The following CASS4 variants were observed in gnomAD, a reference collection of about 807,000 sequenced individuals.
CASS4 encodes the protein cas scaffolding protein family member 4.
A neutral mutation model predicts 54.2 loss-of-function variants in CASS4; 22 were observed. That is an observed-to-expected ratio of 0.41 (90% CI 0.29 to 0.58). CASS4 has a LOEUF of 0.58. Among genes scored for constraint, CASS4 ranks in the 20% least tolerant of loss-of-function variants. CASS4 has a pLI of 0.36. For synonymous variants in CASS4, 409 were observed against 391.5 expected (o/e 1.04, Z -0.53); for missense variants, 854 against 986.7 (o/e 0.87, Z 1.80).
At chr20:56,454,073 C>T (rs1417569498) in intron 5 of CASS4, among the ~76,000 whole-genome samples, 1 of 151,970 alleles carries the variant, frequency 6.6e-6, no homozygotes, top group Admixed American at 6.6e-5. Flanking sequence ...TCCAGCTACT[C>T]AGGAGGCTGA....
intron 4 of CASS4, among the ~76,000 whole-genome samples, chr20:56,451,371 A>G (rs1232318846): frequency 1.3e-5 from 2 of 152,346 alleles, no homozygotes; most frequent in East Asian, 3.9e-4. Flanking sequence ...ATCTATGTTT[A>G]TAATTGGATT....
At chr20:56,431,017 G>T (rs1001434513) in intron 1 of CASS4, among the ~76,000 whole-genome samples, 2 of 152,120 alleles carry the variant, frequency 1.3e-5, no homozygotes, top group African/African-American at 4.8e-5. Flanking sequence ...AGACCAACAG[G>T]ATCCAATTTT....
intron 1 of CASS4, among the ~76,000 whole-genome samples, chr20:56,422,347 A>G (rs545158529): frequency 2.6e-5 from 4 of 152,346 alleles, no homozygotes; most frequent in East Asian, 1.9e-4. Flanking sequence ...TTATTGTTGC[A>G]TCATTTCAAT....
intron 1 of CASS4, among the ~76,000 whole-genome samples, chr20:56,419,005 G>A (rs1020264642): frequency 3.3e-5 from 5 of 152,048 alleles, no homozygotes; most frequent in Non-Finnish European, 5.9e-5. Flanking sequence ...CACACTTGGG[G>A]GGAAAAAAAG....
chr20:56,447,890 C>A (rs896123659), intron 3 of CASS4, among the ~76,000 whole-genome samples: 1 of 152,196 alleles, frequency 6.6e-6, no homozygotes, highest in East Asian at 1.9e-4. Context: ...CGCCTGTAAT[C>A]CCAGCACTTT....
chr20:56,458,887 C>A lies in CASS4; in HGVS notation c.*140C>A, dbSNP rs577934006. On this transcript the variant is annotated 3_prime_UTR_variant, in exon 6 of 6. Transcript: ENST00000679887. ...ACCTGGTGCCCAAAGCTGGTAGTAC[C>A]AAGTGGCTAAGCAACCCCAGGGCAT... is the stretch of plus-strand genomic sequence containing the variant. 4 of 880,188 alleles carry A rather than the reference C, an allele frequency of 4.5e-6. No homozygotes were observed. The highest frequency in any genetic ancestry group is 1.7e-5 in the African/African-American group (1 of 59,084). The allele number at this position is 880,188 out of a possible 1,614,324, so 54.5% of individuals were successfully genotyped here.
rs1402519648 is a variant in CASS4, at chr20:56,434,417, G to A, written c.37-2747G>A. 2.0e-5 allele frequency among the ~76,000 whole-genome samples: 3 copies of A among 152,062 alleles called. No homozygotes were observed. The South Asian group carries it at 6.2e-4, about 32-fold the overall frequency. On this transcript the variant is annotated intron_variant, in intron 1 of 5. Coordinates refer to ENST00000679887, the MANE Select transcript of CASS4 (RefSeq NM_020356.4). ...ATATTGAAAAATGTTTATTGACACG[G>A]AAAGATGCTCACAATTTACTTATTT...
At position 56,437,245 on chromosome 20, in the gene CASS4, A is replaced by G. The variant is rs1304716845; in HGVS notation, c.118A>G (p.Ile40Val). 2 of 1,613,214 alleles carry G rather than the reference A, an allele frequency of 1.2e-6. No individual in the cohort carries two copies. The highest frequency in any genetic ancestry group is 1.1e-5 in the South Asian group (1 of 90,928). ...LAFSRGDILT[I>V]LEQHVPESEG... ...TTTCAGCAGAGGGGACATCCTGACCATTCTGGAGCAACACGTGCCAGAAAG... is the reference window on the plus strand; with the variant it reads ...TTTCAGCAGAGGGGACATCCTGACCGTTCTGGAGCAACACGTGCCAGAAAG... Residue 40 changes from isoleucine to valine, a missense_variant, in exon 2 of 6, where the codon ATT (isoleucine) becomes GTT (valine). Transcript: ENST00000679887. The surrounding 1 kb of genome is among the most constrained non-coding windows in gnomAD (Gnocchi z 4.7).
intron 1 of CASS4, among the ~76,000 whole-genome samples, chr20:56,418,693 C>T (rs184323585): frequency 6.6e-6 from 1 of 152,266 alleles, no homozygotes; most frequent in Non-Finnish European, 1.5e-5. Context: ...GACCGCTGGT[C>T]GCCGTGTCGG....
In CASS4 at chr20:56,412,302, G is replaced by A; in HGVS notation, c.-157G>A. ...GCTTTCCAGAAAGTTTGCCTGCTGG[G>A]AGAGTCTTTTTGATCGTTTCCCATG... On this transcript the variant is annotated 5_prime_UTR_variant, in exon 1 of 6. Transcript: ENST00000679887. This position sits in a 1 kb window ranked among gnomAD's most constrained non-coding sequence, Gnocchi z 4.2. The A allele has an allele frequency of 1.3e-6, 1 of 786,880 alleles. No homozygotes were observed. The highest frequency in any genetic ancestry group is 1.8e-5 in the African/African-American group (1 of 57,108). 48.7% of individuals were successfully genotyped at this position (786,880 alleles called of 1,614,324 possible). A position where few individuals can be genotyped will look rare whatever the true frequency, so the allele number is the denominator to read the frequency against.
Position 56,451,842 on chromosome 20 carries a change from A to G in CASS4, c.666A>G (p.Ser222=). 1 of 1,612,694 alleles carries G rather than the reference A, an allele frequency of 6.2e-7. No homozygotes were observed. Among genetic ancestry groups the G allele is most frequent in the South Asian group, 1.1e-5 (1 of 91,026 alleles). The change falls in exon 5 of 6, where the codon TCA becomes TCG. Residue 222 remains serine, a synonymous_variant. Transcript: ENST00000679887. ...QASGQGVPLI[S]VTTLRRGGYS... ...AGGGGCAGGGTGTTCCCCTGATATC[A>G]GTGACTACCTTAAGAAGAGGCGGTT... is the stretch of plus-strand genomic sequence containing the variant.
intron 5 of CASS4, among the ~76,000 whole-genome samples, chr20:56,456,663 C>CTGCACTCAACCTGCTTCATTCTTATA: frequency 6.6e-6 from 1 of 151,890 alleles, no homozygotes. Flanking sequence ...GTGTGAGTCA[C>CTGCACTCAACCTGCTTCATTCTTATA]CGTGCCCAGC....
In CASS4 at chr20:56,414,754, G is replaced by A. The variant is rs373969722; in HGVS notation, c.36+2260G>A. Among the ~76,000 whole-genome samples the A allele has an allele frequency of 3.3e-5, 5 of 152,084 alleles. No individual in the cohort carries two copies. Among genetic ancestry groups the A allele is most frequent in the African/African-American group, 1.2e-4 (5 of 41,486 alleles). ...TCACCTGAGGTCAGGGGATTAGCCT[G>A]GCCAAAATGGTGAAACCCCATCTCT... On this transcript the variant is annotated intron_variant, in intron 1 of 5. Transcript: ENST00000679887. This position sits in a 1 kb window ranked among gnomAD's most constrained non-coding sequence, Gnocchi z 4.1.
In CASS4 at chr20:56,450,579, C is replaced by T. The variant is rs201734849; in HGVS notation, c.562-20C>T. Reference sequence around the variant, plus strand: ...AGGAAAGAAACATTCAAGTTGTCTGCCTTTGTGGTCTTTCCCCAGGAGCCA... The same window carrying T: ...AGGAAAGAAACATTCAAGTTGTCTGTCTTTGTGGTCTTTCCCCAGGAGCCA... On this transcript the variant is annotated intron_variant, in intron 3 of 5. Coordinates refer to ENST00000679887, the MANE Select transcript of CASS4 (RefSeq NM_020356.4). 5 of 1,611,274 alleles carry T rather than the reference C, an allele frequency of 3.1e-6. No homozygotes were observed. The African/African-American group carries it at 4.0e-5, about 13-fold the overall frequency.
At chr20:56,421,785 C>G (rs1399940264) in intron 1 of CASS4, among the ~76,000 whole-genome samples, 2 of 152,088 alleles carry the variant, frequency 1.3e-5, no homozygotes, top group East Asian at 3.9e-4. Flanking sequence ...CATCAAATAA[C>G]ACAAAACTCC....
In CASS4 at chr20:56,452,542, G is replaced by A. The variant is rs559542055; in HGVS notation, c.1366G>A (p.Ala456Thr). Residue 456 changes from alanine (A) to threonine (T), a missense_variant, in exon 5 of 6, where the codon GCT becomes ACT. Coordinates refer to ENST00000679887, the MANE Select transcript of CASS4 (RefSeq NM_020356.4). ...ALQHKVVSSV[A>T]GLMLFVSRKW... ...GCAGCACAAGGTGGTCAGCTCTGTCGCTGGCCTGATGCTCTTTGTCAGCAG... is the reference window on the plus strand; with the variant it reads ...GCAGCACAAGGTGGTCAGCTCTGTCACTGGCCTGATGCTCTTTGTCAGCAG... 7.4e-6 allele frequency: 12 copies of A among 1,614,124 alleles called. No homozygotes were observed. Among genetic ancestry groups the A allele is most frequent in the African/African-American group, 5.3e-5 (4 of 75,046 alleles).
rs772638460 is a variant in CASS4, at chr20:56,445,882, T to C, written c.460-18T>C. The C allele has an allele frequency of 1.9e-6, 3 of 1,577,300 alleles. No individual in the cohort carries two copies. The highest frequency in any genetic ancestry group is 2.6e-6 in the Non-Finnish European group (3 of 1,147,340). ...AGTGACATTTCCTTTTCCTCTTTTC[T>C]CCTCCTTTCTCTCCAAGGCCATCCT... is the stretch of plus-strand genomic sequence containing the variant. On this transcript the variant is annotated intron_variant, in intron 2 of 5. Coordinates refer to ENST00000679887, the MANE Select transcript of CASS4 (RefSeq NM_020356.4).
intron 1 of CASS4, among the ~76,000 whole-genome samples, chr20:56,422,317 T>C (rs1979450720): frequency 6.6e-6 from 1 of 152,222 alleles, no homozygotes; most frequent in Non-Finnish European, 1.5e-5. Context: ...TAATCAATTA[T>C]GTGAAGGCCT....
At chr20:56,436,126 C>T (rs987767162) in intron 1 of CASS4, among the ~76,000 whole-genome samples, 1 of 151,924 alleles carries the variant, frequency 6.6e-6, no homozygotes, top group Non-Finnish European at 1.5e-5. Context: ...ACACTGGGGA[C>T]AGAATAGCCA....
Sources: gnomAD v4.1 joint callset for allele counts (sites outside exome capture counted in the v4.1 genomes callset) on GRCh38, gnomAD v4.1.1 for gene constraint, Gnocchi (gnomAD v3.1) non-coding constraint, MANE v1.5 for transcripts, NCBI Gene and HGNC (gene_info 2026-07-23, HGNC 2026-07-21) for gene names.